The following HIPK4 variants were observed in gnomAD, a reference collection of about 807,000 sequenced individuals.
The protein encoded by HIPK4 is homeodomain interacting protein kinase 4.
Under a neutral mutation model 44.8 loss-of-function variants are expected in HIPK4, and 26 were observed. The ratio of observed to expected loss-of-function variants is 0.58; its 90% CI spans 0.43 to 0.80. HIPK4 has a LOEUF of 0.80. Ranked by LOEUF, HIPK4 falls within the 30% of genes least tolerant of loss-of-function variation. HIPK4 has a pLI of 0.00. For missense variants in HIPK4, 729 were observed against 862.6 expected (o/e 0.85, Z 1.94); for synonymous variants, 340 against 355.5 (o/e 0.96, Z 0.49).
At chr19:40,386,620 G>A (rs2079364580) in intron 1 of HIPK4, among the ~76,000 whole-genome samples, 1 of 152,160 alleles carries the variant, frequency 6.6e-6, no homozygotes, top group Non-Finnish European at 1.5e-5. Context: ...CCAACATGCT[G>A]GGATTATAGG....
intron 1 of HIPK4, among the ~76,000 whole-genome samples, chr19:40,384,357 G>C (rs970680108): frequency 2.0e-5 from 3 of 152,130 alleles, no homozygotes; most frequent in Non-Finnish European, 4.4e-5. Flanking sequence ...AGTCTGGAGT[G>C]CAATGGCACG....
rs767635822 is a variant in HIPK4, at chr19:40,379,712, G to T, written c.1726C>A (p.Pro576Thr). 1.9e-6 allele frequency: 3 copies of T among 1,609,578 alleles called. No individual in the cohort carries two copies. The highest frequency in any genetic ancestry group is 2.5e-6 in the Non-Finnish European group (3 of 1,178,774). ...SSCPGEWLSE[P>T]DCTLESVRGP... ...CTGACGCTCTCCAGGGTGCAGTCTGGCTCACTCAGCCATTCTCCAGGACAG... is the reference window on the plus strand; with the variant it reads ...CTGACGCTCTCCAGGGTGCAGTCTGTCTCACTCAGCCATTCTCCAGGACAG... Residue 576 changes from proline (P) to threonine (T), a missense_variant, in exon 4 of 4, where the codon CCA becomes ACA. Physicochemically the swap from Pro to Thr is conservative, Grantham distance 38 (BLOSUM62 -1). Around this residue, in one of 2 missense-constraint regions of HIPK4, gnomAD observed 533 missense variants for 567.5 expected, o/e 0.94. Coordinates refer to ENST00000291823, the MANE Select transcript of HIPK4 (RefSeq NM_144685.5).
Position 40,383,997 on chromosome 19 carries a change from C to A in HIPK4, c.608G>T (p.Cys203Phe). ...GCCCAGGTGCAGCTCAGCCATGACG[C>A]AGCCCAGGGACCACACGTCCACCTT... is the stretch of plus-strand genomic sequence containing the variant. ...CEKVDVWSLGCVMAELHLGWP... is the reference protein window; with the variant it reads ...CEKVDVWSLGFVMAELHLGWP... Residue 203 changes from cysteine to phenylalanine, a missense_variant, in exon 2 of 4, where the codon TGC (cysteine) becomes TTC (phenylalanine). Around this residue, in one of 2 missense-constraint regions of HIPK4, gnomAD observed 196 missense variants for 295.1 expected, o/e 0.66. Coordinates refer to ENST00000291823, the MANE Select transcript of HIPK4 (RefSeq NM_144685.5). 1.2e-6 allele frequency: 2 copies of A among 1,614,168 alleles called. No homozygotes were observed. The highest frequency in any genetic ancestry group is 1.7e-6 in the Non-Finnish European group (2 of 1,179,996).
chr19:40,385,650 G>A (rs1046782061), intron 1 of HIPK4, among the ~76,000 whole-genome samples: 4 of 141,712 alleles, frequency 2.8e-5, no homozygotes, highest in Admixed American at 2.1e-4. Context: ...TCTATCCCCC[G>A]CCAGGCCCCT....
chr19:40,387,215 C>T (rs1239392159), intron 1 of HIPK4, among the ~76,000 whole-genome samples: 3 of 152,048 alleles, frequency 2.0e-5, no homozygotes, highest in African/African-American at 7.2e-5. Context: ...TCTCTTGTCT[C>T]TCAGTGTCTC....
rs749185979 is a variant in HIPK4 at position 40,380,964 on chromosome 19, G to T, written c.1027C>A (p.Arg343Ser). Residue 343 changes from arginine (R) to serine (S), a missense_variant, in exon 3 of 4, where the codon CGC (arginine) becomes AGC (serine). This residue lies in a region of HIPK4 where 533 missense variants were observed against 567.5 expected (regional missense o/e 0.94). Transcript: ENST00000291823. This position sits in a 1 kb window ranked among gnomAD's most constrained non-coding sequence, Gnocchi z 4.2. ...HERISPSAAL[R>S]HPFVSMQQLR... The stretch of plus-strand genomic sequence containing the variant: ...TGCTGCATGGACACGAAGGGGTGGC[G>T]CAGGGCAGCACTGGGGCTGATGCGT... The T allele has an allele frequency of 3.7e-6, 6 of 1,612,564 alleles. No homozygotes were observed. In the South Asian group the frequency reaches 5.5e-5, roughly 15 times the overall value.
chr19:40,383,712 T>C, intron 2 of HIPK4, 71 bp downstream of exon 2: 1 of 1,213,162 alleles, frequency 8.2e-7, no homozygotes, highest in Non-Finnish European at 1.2e-6. Flanking sequence ...GTGAGCCACG[T>C]TGCCCACCCT....
Position 40,380,191 on chromosome 19 carries a change from G to T in HIPK4, c.1668+132C>A. 8.2e-7 allele frequency: 1 copy of T among 1,215,452 alleles called. No homozygotes were observed. Among genetic ancestry groups the T allele is most frequent in the South Asian group, 1.5e-5 (1 of 65,800 alleles). The allele number at this position is 1,215,452 out of a possible 1,614,324, so 75.3% of individuals were successfully genotyped here. A position where few individuals can be genotyped will look rare whatever the true frequency, so the allele number is the denominator to read the frequency against. On this transcript the variant is annotated intron_variant, in intron 3 of 3. Coordinates refer to ENST00000291823, the MANE Select transcript of HIPK4 (RefSeq NM_144685.5). The surrounding 1 kb of genome is among the most constrained non-coding windows in gnomAD (Gnocchi z 4.2). ...ATTAGGTGTGTGCTGAGCCTCCTAA[G>T]TCCCTAATTGTATCCTGAACATGGG...
chr19:40,384,470 A>AT (rs569491635), intron 1 of HIPK4, among the ~76,000 whole-genome samples: 1 of 151,762 alleles, frequency 6.6e-6, no homozygotes, highest in Non-Finnish European at 1.5e-5. Context: ...CACCCGGCTA[A>AT]TTTTTTGTAT....
chr19:40,379,369 C>T lies in HIPK4; in HGVS notation c.*218G>A, dbSNP rs573085517. The T allele has an allele frequency of 1.7e-5, 9 of 536,540 alleles. No homozygotes were observed. The South Asian group carries it at 2.4e-4, about 15-fold the overall frequency. The allele number at this position is 536,540 out of a possible 1,614,324, so 33.2% of individuals were successfully genotyped here. ...CCCCCTTTCCTGCTGTCCTTCTGGC[C>T]AAGGAGCATGGGCCAGACTCCAAAG... On this transcript the variant is annotated 3_prime_UTR_variant, in exon 4 of 4. Transcript: ENST00000291823.
chr19:40,379,566 TG>T lies in HIPK4; in HGVS notation c.*20del. On this transcript the variant is annotated 3_prime_UTR_variant, in exon 4 of 4. Transcript: ENST00000291823. ...GCCCAGCTAGCGCAGCCCCCAGTGA[TG>T]GGCAGGGGTGGAATCACCATCAGTG... 6.7e-7 allele frequency: 1 copy of T among 1,497,432 alleles called. No individual in the cohort carries two copies. 92.8% of individuals were successfully genotyped at this position (1,497,432 alleles called of 1,614,324 possible).
At position 40,381,015 on chromosome 19, in the gene HIPK4, G is replaced by C. The variant is rs371188356; in HGVS notation, c.976C>G (p.Arg326Gly). 8.1e-6 allele frequency: 13 copies of C among 1,613,440 alleles called. No homozygotes were observed. Among genetic ancestry groups the C allele is most frequent in the Non-Finnish European group, 1.0e-5 (12 of 1,180,028 alleles). The change falls in exon 3 of 4, where the codon CGC (arginine) becomes GGC (glycine). Residue 326 changes from arginine to glycine, a missense_variant. Arg to Gly is a moderately radical substitution (Grantham distance 125). Around this residue, in one of 2 missense-constraint regions of HIPK4, gnomAD observed 533 missense variants for 567.5 expected, o/e 0.94. Coordinates refer to ENST00000291823, the MANE Select transcript of HIPK4 (RefSeq NM_144685.5). ...TCGTGTGACTCCCAGGTCAGCATGC[G>C]CTTGATCAGCTCCACCATGCTCTTG... ...DLKSMVELIK[R>G]MLTWESHERI...
intron 1 of HIPK4, 70 bp from the exon 2 acceptor site, chr19:40,384,209 G>A: frequency 2.4e-6 from 3 of 1,244,988 alleles, no homozygotes; most frequent in South Asian, 1.4e-5. Context: ...GGCCACCCCG[G>A]CATCTTTCAC....
At chr19:40,386,710 C>T (rs187486046) in intron 1 of HIPK4, among the ~76,000 whole-genome samples, 132 of 152,288 alleles carry the variant, frequency 8.7e-4, no homozygotes, top group African/African-American at 3.1e-3. Context: ...AAGAATTTAT[C>T]CATTTTGTTC....
chr19:40,389,812 G>A lies in HIPK4; in HGVS notation c.91C>T (p.Arg31Trp), dbSNP rs775166307. The change falls in exon 1 of 4, where the codon CGG (arginine) becomes TGG (tryptophan). Residue 31 changes from arginine to tryptophan, a missense_variant. Physicochemically the swap from Arg to Trp is moderately radical, Grantham distance 101. Coordinates refer to ENST00000291823, the MANE Select transcript of HIPK4 (RefSeq NM_144685.5). This position sits in a 1 kb window ranked among gnomAD's most constrained non-coding sequence, Gnocchi z 4.6. ...TFGEVAKGWR[R>W]STGEMVAIKI... The stretch of plus-strand genomic sequence containing the variant: ...ATGGCCACCATCTCGCCCGTGCTCC[G>A]CCGCCAGCCCTTGGCTACCTCCCCG... The A allele has an allele frequency of 2.1e-5, 34 of 1,613,874 alleles. No individual in the cohort carries two copies. Among genetic ancestry groups the A allele is most frequent in the East Asian group, 1.1e-4 (5 of 44,886 alleles).
At chr19:40,383,645 C>T in intron 2 of HIPK4, 138 bp downstream of exon 2, 1 of 717,480 alleles carries the variant, frequency 1.4e-6, no homozygotes, top group African/African-American at 1.8e-5. Flanking sequence ...TGGTCTCAAA[C>T]CCCTAGGCTC....
Position 40,379,497 on chromosome 19 carries a change from A to T in HIPK4, c.*90T>A. The T allele has an allele frequency of 9.2e-7, 1 of 1,091,502 alleles. No individual in the cohort carries two copies. 67.6% of individuals were successfully genotyped at this position (1,091,502 alleles called of 1,614,324 possible). On this transcript the variant is annotated 3_prime_UTR_variant, in exon 4 of 4. Transcript: ENST00000291823. ...TTCTGTAAGAATAATTTGTGGGTTC[A>T]GGAGATGGCTCTGAGGAGCAGTTCA...
At position 40,381,103 on chromosome 19, in the gene HIPK4, A is replaced by G; in HGVS notation, c.888T>C (p.Gly296=). Residue 296 remains glycine, a synonymous_variant, in exon 3 of 4, where the codon GGT becomes GGC. Transcript: ENST00000291823. ...KSLDQIETVN[G]GSVASRLTFP... is the part of the protein sequence containing the mutation. Reference sequence around the variant, plus strand: ...AGGTTAGCCGACTGGCCACACTGCCACCATTCACTGTCTCAATCTGGTCCA... The same window carrying G: ...AGGTTAGCCGACTGGCCACACTGCCGCCATTCACTGTCTCAATCTGGTCCA... 6.2e-7 allele frequency: 1 copy of G among 1,610,994 alleles called. No homozygotes were observed. Among genetic ancestry groups the G allele is most frequent in the Non-Finnish European group, 8.5e-7 (1 of 1,179,980 alleles).
At position 40,380,566 on chromosome 19, in the gene HIPK4, C is replaced by T. The variant is rs1474603988; in HGVS notation, c.1425G>A (p.Leu475=). The T allele has an allele frequency of 6.2e-7, 1 of 1,612,456 alleles. No individual in the cohort carries two copies. Among genetic ancestry groups the T allele is most frequent in the Admixed American group, 1.7e-5 (1 of 60,012 alleles). ...CTGCCAGGCGGCTGCTGTAGAAGGC[C>T]AGGATGGGCTCAGGGCCCGAGTCGG... is the stretch of plus-strand genomic sequence containing the variant. ...HVPDSGPEPI[L]AFYSSRLAGR... The change falls in exon 3 of 4, where the codon CTG becomes CTA. Residue 475 remains leucine, a synonymous_variant. Transcript: ENST00000291823. This position sits in a 1 kb window ranked among gnomAD's most constrained non-coding sequence, Gnocchi z 4.2.
Sources: gnomAD v4.1 joint callset for allele counts (sites outside exome capture counted in the v4.1 genomes callset) on GRCh38, gnomAD v4.1.1 for gene constraint, gnomAD v4.1.1 regional missense constraint, Gnocchi (gnomAD v3.1) non-coding constraint, MANE v1.5 for transcripts, NCBI Gene and HGNC (gene_info 2026-07-23, HGNC 2026-07-21) for gene names.